Variants in NRXN1 observed in about 807,000 individuals in gnomAD.
NRXN1 encodes the protein neurexin-1.
A neutral mutation model predicts 150.9 loss-of-function variants in NRXN1; 39 were observed. The ratio of observed to expected loss-of-function variants is 0.26; its 90% CI spans 0.20 to 0.34. NRXN1 has a LOEUF of 0.34. Ranked by LOEUF, NRXN1 falls within the 10% of genes least tolerant of loss-of-function variation. The probability of loss-of-function intolerance (pLI) is 1.00; values close to 1 mark genes in which losing one functional copy is unlikely to be tolerated. For missense variants in NRXN1, 1,815 were observed against 1,949.9 expected (o/e 0.93, Z 1.30); for synonymous variants, 924 against 757.0 (o/e 1.22, Z -3.62).
At chr2:50,109,867 T>C (rs1250053204) in intron 18 of NRXN1, among the ~76,000 whole-genome samples, 1 of 152,198 alleles carries the variant, frequency 6.6e-6, no homozygotes, top group Non-Finnish European at 1.5e-5. Flanking sequence ...AAAATGATGT[T>C]TCCTCGGTTT....
intron 17 of NRXN1, among the ~76,000 whole-genome samples, chr2:50,344,853 C>T (rs375624696): frequency 1.8e-4 from 28 of 152,176 alleles, no homozygotes; most frequent in African/African-American, 6.8e-4. Context: ...GTGCTTCCCA[C>T]TGGCACAATT....
At chr2:50,041,510 T>C (rs1246582955) in intron 21 of NRXN1, among the ~76,000 whole-genome samples, 1 of 152,156 alleles carries the variant, frequency 6.6e-6, no homozygotes, top group East Asian at 1.9e-4. Flanking sequence ...CCACTCCCCC[T>C]AACTGGCTGA....
chr2:50,547,361 A>G (rs2093517548), intron 9 of NRXN1: 1 of 152,190 alleles, frequency 6.6e-6, no homozygotes. Context: ...TTGAGAGGGT[A>G]CTTTGACTGA....
intron 17 of NRXN1, among the ~76,000 whole-genome samples, chr2:50,327,864 G>A (rs2076492455): frequency 6.6e-6 from 1 of 152,090 alleles, no homozygotes; most frequent in Non-Finnish European, 1.5e-5. Flanking sequence ...TGGCCAGGCT[G>A]GTCGCGAACT....
intron 17 of NRXN1, among the ~76,000 whole-genome samples, chr2:50,363,473 C>A (rs546457738): frequency 9.9e-4 from 151 of 152,204 alleles, no homozygotes; most frequent in African/African-American, 2.9e-3. Flanking sequence ...TTTATGCAGC[C>A]AATAAACACA....
At chr2:50,513,165 T>C (rs751739144) in intron 12 of NRXN1, among the ~76,000 whole-genome samples, 3 of 152,216 alleles carry the variant, frequency 2.0e-5, no homozygotes, top group Non-Finnish European at 2.9e-5. Context: ...TCTAATGTGT[T>C]TGGTGCTTTG....
intron 5 of NRXN1, among the ~76,000 whole-genome samples, chr2:50,627,996 G>A (rs181316382): frequency 5.3e-4 from 81 of 151,954 alleles, no homozygotes; most frequent in Non-Finnish European, 9.6e-4. Flanking sequence ...AGTCTACTTA[G>A]TTTAAAAGAG....
intron 8 of NRXN1, among the ~76,000 whole-genome samples, chr2:50,581,654 G>A (rs981694668): frequency 6.6e-6 from 1 of 152,198 alleles, no homozygotes; most frequent in African/African-American, 2.4e-5. Flanking sequence ...GAGGGATCAT[G>A]AGAAAGAATG....
intron 21 of NRXN1, among the ~76,000 whole-genome samples, chr2:50,044,889 A>G (rs1691569507): frequency 6.6e-6 from 1 of 152,056 alleles, no homozygotes; most frequent in African/African-American, 2.4e-5. Flanking sequence ...ATAGCATGGT[A>G]AAAAAAATAC....
At chr2:50,422,777 C>T (rs1005031461) in intron 17 of NRXN1, among the ~76,000 whole-genome samples, 2 of 152,144 alleles carry the variant, frequency 1.3e-5, no homozygotes, top group Non-Finnish European at 2.9e-5. Context: ...GGTAACACAA[C>T]AAAAATTGAG....
intron 5 of NRXN1, among the ~76,000 whole-genome samples, chr2:50,828,198 C>T (rs1324356813): frequency 6.6e-6 from 1 of 151,060 alleles, no homozygotes; most frequent in East Asian, 2.0e-4. Flanking sequence ...AGAGGCACCC[C>T]TCACCTCCCG....
At chr2:50,272,833 A>G (rs2152924435) in intron 17 of NRXN1, among the ~76,000 whole-genome samples, 1 of 152,228 alleles carries the variant, frequency 6.6e-6, no homozygotes, top group South Asian at 2.1e-4. Flanking sequence ...ACATAAACAC[A>G]TTCTAAAAAT....
chr2:49,975,442 T>G (rs1678789473), intron 21 of NRXN1, among the ~76,000 whole-genome samples: 1 of 152,080 alleles, frequency 6.6e-6, no homozygotes, highest in Admixed American at 6.6e-5. Context: ...AGCTTATGAG[T>G]TGTAGAATGC....
intron 17 of NRXN1, among the ~76,000 whole-genome samples, chr2:50,448,482 T>A (rs1471010690): frequency 6.6e-6 from 1 of 152,170 alleles, no homozygotes; most frequent in Non-Finnish European, 1.5e-5. Flanking sequence ...GGAGTAGGTG[T>A]AATGATTAAA....
intron 5 of NRXN1, among the ~76,000 whole-genome samples, chr2:50,783,739 T>C (rs1704673842): frequency 6.6e-6 from 1 of 152,142 alleles, no homozygotes; most frequent in African/African-American, 2.4e-5. Flanking sequence ...CAGGCAAACA[T>C]AGTGCTACTT....
At chr2:50,220,687 T>C (rs921532571) in intron 18 of NRXN1, among the ~76,000 whole-genome samples, 2 of 152,062 alleles carry the variant, frequency 1.3e-5, no homozygotes, top group Non-Finnish European at 2.9e-5. Context: ...TTTTTGTGAA[T>C]ACCAAAATAT....
At chr2:50,138,351 A>AT (rs1393740532) in intron 18 of NRXN1, among the ~76,000 whole-genome samples, 1 of 152,138 alleles carries the variant, frequency 6.6e-6, no homozygotes, top group Non-Finnish European at 1.5e-5. Context: ...AAGATTAAAA[A>AT]AACAATCTTC....
At chr2:50,304,442 C>A (rs189554751) in intron 17 of NRXN1, among the ~76,000 whole-genome samples, 1 of 152,082 alleles carries the variant, frequency 6.6e-6, no homozygotes, top group Non-Finnish European at 1.5e-5. Context: ...GTGGTAGCAA[C>A]GAACTATAGG....
chr2:50,953,655 C>T (rs971063039), intron 2 of NRXN1, among the ~76,000 whole-genome samples: 28 of 151,708 alleles, frequency 1.8e-4, no homozygotes, highest in Non-Finnish European at 3.8e-4. Flanking sequence ...CGCTGCCTCC[C>T]AGGTTCAAGC....
Sources: gnomAD v4.1 joint callset for allele counts (sites outside exome capture counted in the v4.1 genomes callset) on GRCh38, gnomAD v4.1.1 for gene constraint, MANE v1.5 for transcripts, NCBI Gene and HGNC (gene_info 2026-07-23, HGNC 2026-07-21) for gene names.